INSL6: variants seen among roughly 807,000 people sequenced by gnomAD.
INSL6 encodes insulin-like peptide INSL6.
A neutral mutation model predicts 9.4 loss-of-function variants in INSL6; 16 were observed. The ratio of observed to expected loss-of-function variants is 1.70; its 90% CI spans 1.15 to 2.59. The LOEUF is 2.59. Among genes scored for constraint, INSL6 ranks in the 30% most tolerant of loss-of-function variants. INSL6 has a pLI of 0.00. For missense variants in INSL6, 391 were observed against 257.3 expected, an observed-to-expected ratio of 1.52 and a Z score of -3.56; for synonymous variants, 154 against 96.9, an observed-to-expected ratio of 1.59 and a Z score of -3.46.
intron 1 of INSL6, among the ~76,000 whole-genome samples, chr9:5,165,923 C>A (rs1470983581): frequency 6.6e-6 from 1 of 152,206 alleles, no homozygotes; most frequent in Non-Finnish European, 1.5e-5. Context: ...AACCATGTGA[C>A]TCCACCCTCT....
At chr9:5,159,639 CAGA>C (rs947808184), downstream of INSL6, among the ~76,000 whole-genome samples, 1 of 152,162 alleles carries the variant, frequency 6.6e-6, no homozygotes, top group African/African-American at 2.4e-5. Context: ...CTGGAGCACC[CAGA>C]CGTATAAAGC....
chr9:5,016,186 G>C, the INSL6 span, among the ~76,000 whole-genome samples: 1 of 152,208 alleles, frequency 6.6e-6, no homozygotes, highest in African/African-American at 2.4e-5. Flanking sequence ...GCAAGCTTAG[G>C]AAGATGAGAT....
At chr9:5,113,912 G>T in the INSL6 span, 68 of 229,052 alleles carry the variant, frequency 3.0e-4, no homozygotes, top group African/African-American at 1.5e-3. Context: ...GATGGCAGTG[G>T]ACACTTACCC....
At chr9:5,168,018 G>A (rs181738909) in intron 1 of INSL6, among the ~76,000 whole-genome samples, 23 of 152,218 alleles carry the variant, frequency 1.5e-4, no homozygotes, top group African/African-American at 5.3e-4. Flanking sequence ...AAAACAAACA[G>A]GGAGCAACAA....
the INSL6 span, among the ~76,000 whole-genome samples, chr9:5,087,547 C>G: frequency 6.6e-6 from 1 of 152,098 alleles, no homozygotes; most frequent in Non-Finnish European, 1.5e-5. Flanking sequence ...TTTCTTTTCG[C>G]TGTATTTTTC....
chr9:5,003,325 A>G, the INSL6 span, among the ~76,000 whole-genome samples: 1 of 151,962 alleles, frequency 6.6e-6, no homozygotes, highest in African/African-American at 2.4e-5. Context: ...TCTGAACCAT[A>G]CTGAGTTTTT....
chr9:5,135,854 T>C lies in INSL6; in HGVS notation c.377-2262A>G, dbSNP rs933977238. On this transcript the variant is annotated intron_variant, in intron 2 of 3. Coordinates refer to the INSL6 transcript ENST00000649639. ...CCAGGAGCTGGTTTTTTGAAAAAAA[T>C]CAACAAAATAGATACACGGCTAGCC... 6.0e-5 allele frequency among the ~76,000 whole-genome samples: 9 copies of C among 149,316 alleles called. No homozygotes were observed. The East Asian group carries it at 1.2e-3, about 20-fold the overall frequency.
At chr9:5,044,393 T>C in the INSL6 span, 3 of 1,566,558 alleles carry the variant, frequency 1.9e-6, no homozygotes, top group South Asian at 3.3e-5. Context: ...ATGTTTTTAT[T>C]ATCTTGTAGA....
chr9:5,183,819 CA>C, intron 1 of INSL6, among the ~76,000 whole-genome samples: 1 of 152,098 alleles, frequency 6.6e-6, no homozygotes, highest in South Asian at 2.1e-4. Context: ...CCTTGTTACT[CA>C]AAAGTGTGGG....
the INSL6 span, chr9:5,029,757 A>C: frequency 6.3e-7 from 1 of 1,589,956 alleles, no homozygotes. Context: ...TACCTTTAAT[A>C]ATTCCTTTCT....
the INSL6 span, among the ~76,000 whole-genome samples, chr9:5,052,514 TC>T: frequency 6.6e-6 from 1 of 152,114 alleles, no homozygotes; most frequent in African/African-American, 2.4e-5. Flanking sequence ...ATCATAAATC[TC>T]ACCCATTTAA....
chr9:5,087,659 T>A, the INSL6 span, among the ~76,000 whole-genome samples: 2 of 152,228 alleles, frequency 1.3e-5, no homozygotes, highest in Admixed American at 1.3e-4. Context: ...AGTATAATGA[T>A]CATTGTTGGC....
At chr9:5,152,365 TCAA>T (rs1381973033) in intron 2 of INSL6, among the ~76,000 whole-genome samples, 1 of 152,120 alleles carries the variant, frequency 6.6e-6, no homozygotes, top group East Asian at 1.9e-4. Flanking sequence ...TAAAATATTG[TCAA>T]CAACATATTA....
intron 2 of INSL6, among the ~76,000 whole-genome samples, chr9:5,142,640 A>G (rs1824524657): frequency 6.6e-6 from 1 of 152,222 alleles, no homozygotes. Flanking sequence ...GGATCGTGTC[A>G]TCTACAAACA....
the INSL6 span, chr9:5,066,650 A>G: frequency 8.1e-7 from 1 of 1,228,972 alleles, no homozygotes; most frequent in Non-Finnish European, 1.2e-6. Flanking sequence ...TTGATATATT[A>G]TTCAAATTGC....
the INSL6 span, among the ~76,000 whole-genome samples, chr9:5,006,769 A>G: frequency 6.6e-6 from 1 of 152,194 alleles, no homozygotes; most frequent in Non-Finnish European, 1.5e-5. Flanking sequence ...CACTCCTCTA[A>G]CACTGAAGAT....
At chr9:5,167,630 T>G (rs949136330) in intron 1 of INSL6, among the ~76,000 whole-genome samples, 9 of 152,174 alleles carry the variant, frequency 5.9e-5, no homozygotes, top group Admixed American at 2.0e-4. Context: ...GAGAAGAGGC[T>G]CTAGGAGGAG....
chr9:5,113,731 G>A, the INSL6 span: 4 of 165,242 alleles, frequency 2.4e-5, no homozygotes, highest in African/African-American at 4.8e-5. Flanking sequence ...CCACCCTCAC[G>A]CCCTCTGGCC....
At chr9:5,019,566 AT>A in the INSL6 span, among the ~76,000 whole-genome samples, 1 of 152,218 alleles carries the variant, frequency 6.6e-6, no homozygotes, top group South Asian at 2.1e-4. Flanking sequence ...TTGGTAGAAA[AT>A]TATTTTGATC....
Sources: allele counts gnomAD v4.1 joint callset (sites outside exome capture counted in the v4.1 genomes callset), GRCh38; gene constraint gnomAD v4.1.1; transcripts MANE v1.5; gene names NCBI Gene and HGNC (gene_info 2026-07-23, HGNC 2026-07-21).